The following CD300LF variants were observed in gnomAD, a reference collection of about 807,000 sequenced individuals.
The protein encoded by CD300LF is CD300 molecule like family member f.
Under a neutral mutation model 32.2 loss-of-function variants are expected in CD300LF, and 27 were observed. The observed-to-expected ratio is 0.84, with a 90% CI of 0.62 to 1.15. The LOEUF is 1.15. Among genes scored for constraint, CD300LF ranks in the 50% most tolerant of loss-of-function variants. CD300LF has a pLI of 0.00. For missense variants in CD300LF, 348 were observed against 356.8 expected, an observed-to-expected ratio of 0.98 and a Z score of 0.20; for synonymous variants, 139 against 143.2, an observed-to-expected ratio of 0.97 and a Z score of 0.21.
intron 4 of CD300LF, among the ~76,000 whole-genome samples, chr17:74,697,274 G>A (rs565217061): frequency 1.2e-4 from 18 of 152,182 alleles, no homozygotes; most frequent in South Asian, 2.1e-4. Context: ...CACTGGGACC[G>A]ATTTTCAGGT....
intron 5 of CD300LF, 97 bp downstream of exon 5, chr17:74,696,098 G>A: frequency 1.4e-6 from 2 of 1,465,256 alleles, no homozygotes; most frequent in Admixed American, 2.1e-5. Flanking sequence ...TTTGGCACAG[G>A]ACTTCTCTGA....
chr17:74,698,769 CT>C (rs2032762684), intron 3 of CD300LF: 2 of 538,012 alleles, frequency 3.7e-6, no homozygotes, highest in Admixed American at 7.3e-5. Context: ...GGTACTATAC[CT>C]ATTACCTGGG....
At chr17:74,698,855 G>A (rs2143636666) in intron 3 of CD300LF, among the ~76,000 whole-genome samples, 1 of 152,232 alleles carries the variant, frequency 6.6e-6, no homozygotes, top group Non-Finnish European at 1.5e-5. Context: ...GTGTACCCCT[G>A]AAGCTAAAAT....
Position 74,695,015 on chromosome 17 carries a change from T to TGAGGG in CD300LF, c.*76_*80dup. The TGAGGG allele has an allele frequency of 6.8e-7, 1 of 1,462,826 alleles. No individual in the cohort carries two copies. The highest frequency in any genetic ancestry group is 9.3e-7 in the Non-Finnish European group (1 of 1,078,222). 90.6% of individuals were successfully genotyped at this position (1,462,826 alleles called of 1,614,324 possible). On this transcript the variant is annotated 3_prime_UTR_variant, in exon 7 of 7. Transcript: ENST00000326165. ...GCACCAGTCCCCGGGTTGGTCCTGATGAGGGGAGCAGGGGGCAGACGGTCG... is the reference window on the plus strand; with the variant it reads ...GCACCAGTCCCCGGGTTGGTCCTGATGAGGGGAGGGGAGCAGGGGGCAGACGGTCG...
intron 5 of CD300LF, 24 bp from the exon 6 acceptor site, chr17:74,695,883 G>T: frequency 6.2e-7 from 1 of 1,607,464 alleles, no homozygotes. Flanking sequence ...CACAGGCTGG[G>T]GAGTCACAAG....
intron 2 of CD300LF, 80 bp from the exon 3 acceptor site, chr17:74,703,178 A>G (rs1010516785): frequency 6.4e-7 from 1 of 1,574,776 alleles, no homozygotes; most frequent in Non-Finnish European, 8.7e-7. Context: ...ACCAGATCAC[A>G]GATGCCCCTG....
chr17:74,703,055 G>A lies in CD300LF; in HGVS notation c.426C>T (p.Thr142=), dbSNP rs375348925. Residue 142 remains threonine (T), a synonymous_variant, in exon 3 of 7, where the codon ACC becomes ACT. Coordinates refer to ENST00000326165, the MANE Select transcript of CD300LF (RefSeq NM_139018.5). ...QEETSSSPTL[T]GHHLDNRHKL... ...CTTACCTGTTGTCCAAGTGGTGGCC[G>A]GTCAGAGTTGGGGAGCTGCTAGTTT... 23 of 1,613,892 alleles carry A rather than the reference G, an allele frequency of 1.4e-5. No homozygotes were observed. The highest frequency in any genetic ancestry group is 3.3e-5 in the Admixed American group (2 of 60,012).
At chr17:74,695,375 TCCAGCTTCCC>T in intron 6 of CD300LF, 124 bp from the exon 7 acceptor site, 2 of 1,178,368 alleles carry the variant, frequency 1.7e-6, no homozygotes, top group Non-Finnish European at 2.4e-6. Flanking sequence ...ACTCAAGCCC[TCCAGCTTCCC>T]CCTTCACTCT....
rs1567792664 is a variant in CD300LF at position 74,704,554 on chromosome 17, A to C, written c.306T>G (p.Asp102Glu). The change falls in exon 2 of 7, where the codon GAT becomes GAG. Residue 102 changes from aspartate (D) to glutamate (E), a missense_variant. By Grantham distance (45) the Asp-to-Glu change is conservative (BLOSUM62 2). Transcript: ENST00000326165. Reference protein sequence around the residue: ...TVTMEDLMKTDADTYWCGIEK... With the variant: ...TVTMEDLMKTEADTYWCGIEK... ...CAATTCCACACCAGTAAGTGTCAGC[A>C]TCAGTTTTCATGAGATCCTCCATGG... 14 of 1,614,084 alleles carry C rather than the reference A, an allele frequency of 8.7e-6. No individual in the cohort carries two copies. Among genetic ancestry groups the C allele is most frequent in the Non-Finnish European group, 1.0e-5 (12 of 1,180,052 alleles).
chr17:74,705,622 C>A (rs955089535), intron 1 of CD300LF, among the ~76,000 whole-genome samples: 1 of 151,772 alleles, frequency 6.6e-6, no homozygotes, highest in African/African-American at 2.4e-5. Context: ...CTCACTCTGT[C>A]GCCCAGGCTG....
At chr17:74,701,189 C>G (rs769829015) in intron 3 of CD300LF, among the ~76,000 whole-genome samples, 4 of 152,242 alleles carry the variant, frequency 2.6e-5, no homozygotes, top group Non-Finnish European at 4.4e-5. Flanking sequence ...TCTCCTTCAT[C>G]ACTGGATGTG....
chr17:74,701,892 G>A (rs1340307227), intron 3 of CD300LF, among the ~76,000 whole-genome samples: 1 of 150,000 alleles, frequency 6.7e-6, no homozygotes, highest in Non-Finnish European at 1.5e-5. Context: ...GGTGGTGGGC[G>A]ACTATAGTTC....
chr17:74,708,155 A>G (rs1401029790), intron 1 of CD300LF, among the ~76,000 whole-genome samples: 3 of 151,728 alleles, frequency 2.0e-5, no homozygotes, highest in Non-Finnish European at 4.4e-5. Context: ...CTCAAAAAAA[A>G]AAAAAAGAAA....
chr17:74,712,759 CCT>C (rs768088655), intron 1 of CD300LF, 63 bp downstream of exon 1: 4 of 1,576,668 alleles, frequency 2.5e-6, no homozygotes, highest in South Asian at 1.1e-5. Flanking sequence ...TCCCTTCTTC[CCT>C]CTCTCAGCCA....
rs563869412 is a variant in CD300LF at position 74,711,652 on chromosome 17, C to T, written c.43+1172G>A. On this transcript the variant is annotated intron_variant, in intron 1 of 6. Transcript: ENST00000326165. ...AAGCTCATTCCTACACAAGAGCCCT[C>T]GTATCTACTGTTCCCTGTGCCTGGA... Among the ~76,000 whole-genome samples the T allele has an allele frequency of 1.2e-4, 19 of 152,258 alleles. No homozygotes were observed. In the East Asian group the frequency reaches 3.1e-3, roughly 25 times the overall value.
intron 1 of CD300LF, 151 bp from the exon 2 acceptor site, chr17:74,704,967 T>G (rs2033390423): frequency 1.5e-6 from 1 of 659,040 alleles, no homozygotes; most frequent in East Asian, 2.7e-5. Flanking sequence ...CTTTTGTCCT[T>G]CAGCTTTCCA....
At chr17:74,708,839 C>CG (rs549584020) in intron 1 of CD300LF, among the ~76,000 whole-genome samples, 20 of 149,748 alleles carry the variant, frequency 1.3e-4, no homozygotes, top group Non-Finnish European at 2.2e-4. Context: ...GACGTGAACC[C>CG]GGGGGGGCGG....
In CD300LF at chr17:74,695,026, G is replaced by A; in HGVS notation, c.*70C>T. 1 of 1,517,278 alleles carries A rather than the reference G, an allele frequency of 6.6e-7. No individual in the cohort carries two copies. Among genetic ancestry groups the A allele is most frequent in the Non-Finnish European group, 8.9e-7 (1 of 1,119,602 alleles). 94.0% of individuals were successfully genotyped at this position (1,517,278 alleles called of 1,614,324 possible). Reference sequence around the variant, plus strand: ...CGGGTTGGTCCTGATGAGGGGAGCAGGGGGCAGACGGTCGATGAGGCAGGA... The same window carrying A: ...CGGGTTGGTCCTGATGAGGGGAGCAAGGGGCAGACGGTCGATGAGGCAGGA... On this transcript the variant is annotated 3_prime_UTR_variant, in exon 7 of 7. Transcript: ENST00000326165.
intron 3 of CD300LF, among the ~76,000 whole-genome samples, chr17:74,699,308 C>T (rs1598220500): frequency 6.6e-6 from 1 of 152,194 alleles, no homozygotes; most frequent in East Asian, 1.9e-4. Context: ...GGGCAGCAGA[C>T]TCCTAAAACA....
Sources: allele counts gnomAD v4.1 joint callset (sites outside exome capture counted in the v4.1 genomes callset), GRCh38; gene constraint gnomAD v4.1.1; transcripts MANE v1.5; gene names NCBI Gene and HGNC (gene_info 2026-07-23, HGNC 2026-07-21).